PELO: variants seen among roughly 807,000 people sequenced by gnomAD.
The protein encoded by PELO is protein pelota homolog.
In PELO, 19 loss-of-function variants were observed where a neutral mutation model predicts 25.9. The observed-to-expected ratio is 0.73, with a 90% confidence interval of 0.51 to 1.08. The LOEUF (loss-of-function observed/expected upper bound fraction) is 1.08, where lower values mean the gene tolerates loss of function less well. PELO is among the 50% of genes least tolerant of loss of function. The probability of loss-of-function intolerance (pLI) is 0.00; values close to 1 mark genes in which losing one functional copy is unlikely to be tolerated. For synonymous variants in PELO, 196 were observed against 192.2 expected, an observed-to-expected ratio of 1.02 and a Z score of -0.16; for missense variants, 498 against 491.4, an observed-to-expected ratio of 1.01 and a Z score of -0.13.
chr5:52,792,643 C>T (rs1047865390), intron 1 of PELO, among the ~76,000 whole-genome samples: 1 of 152,106 alleles, frequency 6.6e-6, no homozygotes, highest in Non-Finnish European at 1.5e-5. Context: ...AGATTTAGAA[C>T]TTGCTGAATT....
intron 1 of PELO, among the ~76,000 whole-genome samples, chr5:52,798,150 C>T (rs1221450518): frequency 1.3e-5 from 2 of 152,236 alleles, no homozygotes; most frequent in African/African-American, 4.8e-5. Context: ...AAATCACCTT[C>T]ACACTTGAGT....
At position 52,801,333 on chromosome 5, in the gene PELO, G is replaced by T. The variant is rs1423094568; in HGVS notation, c.727-76G>T. 3.0e-6 allele frequency: 4 copies of T among 1,320,924 alleles called. No homozygotes were observed. In the African/African-American group the frequency reaches 4.4e-5, roughly 15 times the overall value. The allele number at this position is 1,320,924 out of a possible 1,614,324, so 81.8% of individuals were successfully genotyped here. A position where few individuals can be genotyped will look rare whatever the true frequency, so the allele number is the denominator to read the frequency against. On this transcript the variant is annotated intron_variant, in intron 2 of 2. Coordinates refer to ENST00000274311, the MANE Select transcript of PELO (RefSeq NM_015946.5). The stretch of plus-strand genomic sequence containing the variant: ...ATATGAAGCCTTACTAGCGCTTTTG[G>T]CTTTAAGCCTTTGTGAGCTGATTAA...
Position 52,803,595 on chromosome 5 carries a change from T to A in PELO, c.*1755T>A, listed in dbSNP as rs1748531064. 1 of 152,208 alleles carries A rather than the reference T, an allele frequency of 6.6e-6. No homozygotes were observed. Among genetic ancestry groups the A allele is most frequent in the Admixed American group, 6.5e-5 (1 of 15,284 alleles). 9.4% of individuals were successfully genotyped at this position (152,208 alleles called of 1,614,324 possible). ...GCTCTTAAAACCCTCAGTGTCCAGG[T>A]TGCAGCTCAGACTAGTTAAATAACG... is the stretch of plus-strand genomic sequence containing the variant. On this transcript the variant is annotated 3_prime_UTR_variant, in exon 3 of 3. Coordinates refer to ENST00000274311, the MANE Select transcript of PELO (RefSeq NM_015946.5).
At chr5:52,794,164 T>G (rs1748294755) in intron 1 of PELO, among the ~76,000 whole-genome samples, 1 of 151,962 alleles carries the variant, frequency 6.6e-6, no homozygotes, top group Non-Finnish European at 1.5e-5. Context: ...AATTCAAATA[T>G]GCAAAGGAGT....
At chr5:52,797,983 T>C (rs550436098) in intron 1 of PELO, among the ~76,000 whole-genome samples, 14 of 152,326 alleles carry the variant, frequency 9.2e-5, no homozygotes, top group Non-Finnish European at 1.9e-4. Context: ...AGAAAGATGA[T>C]CAAGGAGCAC....
At position 52,788,426 on chromosome 5, in the gene PELO, G is replaced by A; in HGVS notation, c.-511+12G>A. On this transcript the variant is annotated intron_variant, in intron 1 of 2. Transcript: ENST00000274311. The stretch of plus-strand genomic sequence containing the variant: ...CTGGCTCCTCACTGGTGAGCGACTC[G>A]CTTTTCTCTGAGCATCTCCTGCTCG... 2 of 1,503,266 alleles carry A rather than the reference G, an allele frequency of 1.3e-6. No homozygotes were observed. Among genetic ancestry groups the A allele is most frequent in the Middle Eastern group, 1.7e-4 (1 of 5,832 alleles). The allele number at this position is 1,503,266 out of a possible 1,614,324, so 93.1% of individuals were successfully genotyped here.
chr5:52,799,027 T>C (rs1476844002), intron 1 of PELO, among the ~76,000 whole-genome samples: 3 of 152,158 alleles, frequency 2.0e-5, no homozygotes, highest in Non-Finnish European at 4.4e-5. Flanking sequence ...CAAACTCAGA[T>C]TCCTTCCTTT....
At chr5:52,799,178 C>A (rs1298355465) in intron 1 of PELO, among the ~76,000 whole-genome samples, 1 of 152,136 alleles carries the variant, frequency 6.6e-6, no homozygotes, top group African/African-American at 2.4e-5. Flanking sequence ...CTTTTAGATT[C>A]TTTTGTTTTT....
chr5:52,788,514 A>C lies in PELO; in HGVS notation c.-511+100A>C. 3.9e-6 allele frequency: 4 copies of C among 1,028,442 alleles called. No homozygotes were observed. In the South Asian group the frequency reaches 7.9e-5, roughly 20 times the overall value. 63.7% of individuals were successfully genotyped at this position (1,028,442 alleles called of 1,614,324 possible). ...AGCCATGGGCCAGATAGGAAGAGAG[A>C]GCGCCCATCCACTTTCGGGCATTCC... On this transcript the variant is annotated intron_variant, in intron 1 of 2. Transcript: ENST00000274311.
At chr5:52,798,570 G>T (rs1748391357) in intron 1 of PELO, among the ~76,000 whole-genome samples, 1 of 152,138 alleles carries the variant, frequency 6.6e-6, no homozygotes, top group South Asian at 2.1e-4. Context: ...CAAATTTAAA[G>T]GGGAAAGGGT....
chr5:52,797,294 A>G (rs973369165), intron 1 of PELO, among the ~76,000 whole-genome samples: 2 of 152,074 alleles, frequency 1.3e-5, no homozygotes, highest in African/African-American at 4.8e-5. Context: ...AAAATGGCCC[A>G]AAGTGGTTTG....
intron 1 of PELO, among the ~76,000 whole-genome samples, chr5:52,795,258 G>C (rs745826742): frequency 6.6e-6 from 1 of 151,894 alleles, no homozygotes; most frequent in African/African-American, 2.4e-5. Flanking sequence ...TGGTGGAAGA[G>C]GTAGTAGACA....
At chr5:52,801,145 A>G (rs2111664103) in intron 2 of PELO, 25 bp downstream of exon 2, 1 of 1,569,804 alleles carries the variant, frequency 6.4e-7, no homozygotes, top group Non-Finnish European at 8.6e-7. Flanking sequence ...CCCAGGGATA[A>G]TTAAGAATGG....
At chr5:52,799,511 G>A (rs1748410596) in intron 1 of PELO, among the ~76,000 whole-genome samples, 1 of 152,192 alleles carries the variant, frequency 6.6e-6, no homozygotes, top group Non-Finnish European at 1.5e-5. Context: ...CCACCCAGGG[G>A]TAAATTCCAC....
At chr5:52,794,651 T>TA (rs544902977) in intron 1 of PELO, among the ~76,000 whole-genome samples, 1,988 of 142,102 alleles carry the variant, frequency 0.014, 25 homozygotes, top group Middle Eastern at 0.021. Flanking sequence ...ACAAGTTCCT[T>TA]AAAAAAAAAA....
At chr5:52,788,646 A>C (rs959567996) in intron 1 of PELO, among the ~76,000 whole-genome samples, 4 of 152,334 alleles carry the variant, frequency 2.6e-5, no homozygotes, top group Non-Finnish European at 5.9e-5. Flanking sequence ...AGTAGGAGTG[A>C]GGCAGCACTG....
chr5:52,800,514 C>T lies in PELO; in HGVS notation c.120C>T (p.Arg40=). ...YNLVQVGDSL[R]ASTIRKVQTE... ...TCGTGCAGGTGGGCGACAGCCTGCGCGCCTCCACCATCCGCAAGGTACAGA... is the reference window on the plus strand; with the variant it reads ...TCGTGCAGGTGGGCGACAGCCTGCGTGCCTCCACCATCCGCAAGGTACAGA... Residue 40 remains arginine, a synonymous_variant, in exon 2 of 3, where the codon CGC becomes CGT. Transcript: ENST00000274311. 6.2e-7 allele frequency: 1 copy of T among 1,614,112 alleles called. No homozygotes were observed. Among genetic ancestry groups the T allele is most frequent in the Non-Finnish European group, 8.5e-7 (1 of 1,180,020 alleles).
chr5:52,799,926 TTAAAA>T lies in PELO; in HGVS notation c.-464_-460del, dbSNP rs529831699. 3 of 168,722 alleles carry T rather than the reference TTAAAA, an allele frequency of 1.8e-5. No individual in the cohort carries two copies. Among genetic ancestry groups the T allele is most frequent in the Non-Finnish European group, 3.9e-5 (3 of 76,818 alleles). 10.5% of individuals were successfully genotyped at this position (168,722 alleles called of 1,614,324 possible). ...AAACTTAGGAAGTTGAAGTTTGGCA[TTAAAA>T]TAAAGGACTCGCCACCACTCTGTGC... On this transcript the variant is annotated 5_prime_UTR_variant, in exon 2 of 3. Transcript: ENST00000274311.
In PELO at chr5:52,802,697, T is replaced by A. The variant is rs866268597; in HGVS notation, c.*857T>A. ...AACATGCTATATTATTTATTTATTT[T>A]TTTGCTTGTCAAAGTTATACTTAAT... On this transcript the variant is annotated 3_prime_UTR_variant, in exon 3 of 3. Coordinates refer to ENST00000274311, the MANE Select transcript of PELO (RefSeq NM_015946.5). 1.6e-4 allele frequency: 25 copies of A among 152,234 alleles called. No individual in the cohort carries two copies. The highest frequency in any genetic ancestry group is 4.1e-4 in the South Asian group (2 of 4,830). 9.4% of individuals were successfully genotyped at this position (152,234 alleles called of 1,614,324 possible). A position where few individuals can be genotyped will look rare whatever the true frequency, so the allele number is the denominator to read the frequency against.
Sources: gnomAD v4.1 joint callset for allele counts (sites outside exome capture counted in the v4.1 genomes callset) on GRCh38, gnomAD v4.1.1 for gene constraint, MANE v1.5 for transcripts, NCBI Gene and HGNC (gene_info 2026-07-23, HGNC 2026-07-21) for gene names.